Variants in RBM5 observed in about 807,000 individuals in gnomAD.
RBM5 encodes RNA-binding protein 5.
RBM5 carries 15 observed loss-of-function variants against 124.6 expected under a neutral mutation model. The observed-to-expected ratio is 0.12, with a 90% CI of 0.08 to 0.19. RBM5 has a LOEUF of 0.19. Ranked by LOEUF, RBM5 falls within the 10% of genes least tolerant of loss-of-function variation. The pLI is 1.00. For synonymous variants in RBM5, 337 were observed against 361.2 expected (o/e 0.93, Z 0.76); for missense variants, 580 against 1,026.5 (o/e 0.57, Z 5.94).
intron 15 of RBM5, 131 bp from the exon 16 acceptor site, chr3:50,110,248 T>C: frequency 1.3e-6 from 1 of 743,908 alleles, no homozygotes; most frequent in Non-Finnish European, 2.2e-6. Context: ...TGTGTTTTGC[T>C]GAGGGATTGC....
intron 24 of RBM5, 111 bp from the exon 25 acceptor site, chr3:50,118,220 T>G: frequency 7.0e-7 from 1 of 1,421,558 alleles, no homozygotes; most frequent in South Asian, 1.3e-5. Flanking sequence ...ATATACAGTT[T>G]TCTCTCTTCT....
At chr3:50,110,889 C>A (rs1378665546) in intron 17 of RBM5, 119 bp downstream of exon 17, 2 of 753,910 alleles carry the variant, frequency 2.7e-6, no homozygotes, top group East Asian at 2.9e-5. Context: ...GTTTTAACTT[C>A]TTCAAAGCCA....
rs773510198 is a variant in RBM5, at chr3:50,113,520, A to G, written c.1593A>G (p.Lys531=). 1.9e-6 allele frequency: 3 copies of G among 1,613,880 alleles called. No homozygotes were observed. Among genetic ancestry groups the G allele is most frequent in the East Asian group, 2.2e-5 (1 of 44,888 alleles). Residue 531 remains lysine (K), a synonymous_variant, in exon 18 of 25, where the codon AAA becomes AAG. Transcript: ENST00000347869. ...AAGAGGGGAAAGAGAAGAAGGAGAA[A>G]CCCAAGAGCAAAACAGCCCAGCAGG... ...PAKEGKEKKE[K]PKSKTAQQIA...
At chr3:50,115,823 G>A in intron 21 of RBM5, 83 bp from the exon 22 acceptor site, 1 of 1,351,884 alleles carries the variant, frequency 7.4e-7, no homozygotes, top group Non-Finnish European at 1.1e-6. Context: ...GGCTCTTAAA[G>A]TACAGTAGAT....
In RBM5 at chr3:50,113,400, G is replaced by T; in HGVS notation, c.1473G>T (p.Leu491Phe). 6.2e-7 allele frequency: 1 copy of T among 1,612,776 alleles called. No homozygotes were observed. The highest frequency in any genetic ancestry group is 1.1e-5 in the South Asian group (1 of 90,852). The change falls in exon 18 of 25, where the codon TTG becomes TTT. Residue 491 changes from leucine (L) to phenylalanine (F), a missense_variant. Physicochemically the swap from Leu to Phe is conservative, Grantham distance 22. This residue lies in a region of RBM5 where 234 missense variants were observed against 435.1 expected (regional missense o/e 0.54). Coordinates refer to ENST00000347869, the MANE Select transcript of RBM5 (RefSeq NM_005778.4). ...TTTTCTAGTACTACTATAATTCCTT[G>T]ACCCAGCAGTACCTTTACTGGGATG... ...DPNSQYYYNSLTQQYLYWDGE... is the reference protein window; with the variant it reads ...DPNSQYYYNSFTQQYLYWDGE...
At chr3:50,112,463 G>A (rs2091164782) in intron 17 of RBM5, among the ~76,000 whole-genome samples, 3 of 138,552 alleles carry the variant, frequency 2.2e-5, no homozygotes, top group South Asian at 4.7e-4. Flanking sequence ...TGTTAGCCAC[G>A]CCACCTTACC....
intron 6 of RBM5, chr3:50,102,578 C>A (rs1415419506): frequency 6.5e-6 from 1 of 152,932 alleles, no homozygotes; most frequent in Non-Finnish European, 1.5e-5. Flanking sequence ...CTCCCTTTCC[C>A]CCCAAAGGAC....
chr3:50,114,487 C>T lies in RBM5; in HGVS notation c.1839+236C>T, dbSNP rs146949946. On this transcript the variant is annotated intron_variant, in intron 20 of 24. Transcript: ENST00000347869. ...TTCCTAAGCTCAGTTAATTAAGTTT[C>T]ATTGCATCTGTGAGTGGAGAGTTTT... 4 of 492,498 alleles carry T rather than the reference C, an allele frequency of 8.1e-6. No individual in the cohort carries two copies. In the Admixed American group the frequency reaches 1.2e-4, roughly 15 times the overall value. The allele number at this position is 492,498 out of a possible 1,614,324, so 30.5% of individuals were successfully genotyped here.
At chr3:50,104,137 CT>C in intron 7 of RBM5, 110 bp from the exon 8 acceptor site, 2 of 849,868 alleles carry the variant, frequency 2.4e-6, no homozygotes, top group South Asian at 3.0e-5. Context: ...CTACGTGAGA[CT>C]TTCTGCTTTT....
At chr3:50,105,459 G>A (rs1347339083) in intron 9 of RBM5, 90 bp from the exon 10 acceptor site, 12 of 1,315,646 alleles carry the variant, frequency 9.1e-6, no homozygotes, top group African/African-American at 4.4e-5. Context: ...GTCACAAATG[G>A]ATTTGTATGT....
At chr3:50,106,367 C>A (rs1178331661) in intron 10 of RBM5, among the ~76,000 whole-genome samples, 3 of 152,028 alleles carry the variant, frequency 2.0e-5, no homozygotes, top group Admixed American at 1.3e-4. Context: ...GTCTTGATCA[C>A]CACCTCTGCC....
chr3:50,113,274 G>A (rs934208242), intron 17 of RBM5, 109 bp from the exon 18 acceptor site: 2 of 1,190,818 alleles, frequency 1.7e-6, no homozygotes, highest in Non-Finnish European at 2.3e-6. Context: ...TTTCTGGGCA[G>A]GAAATATCAC....
chr3:50,103,227 T>C, intron 7 of RBM5, 61 bp downstream of exon 7: 1 of 1,300,210 alleles, frequency 7.7e-7, no homozygotes. Context: ...TTTTTTTCTG[T>C]TTGTTTATTT....
chr3:50,112,856 A>G (rs934598419), intron 17 of RBM5: 2 of 152,054 alleles, frequency 1.3e-5, no homozygotes, highest in African/African-American at 4.8e-5. Flanking sequence ...TTAAATTTTT[A>G]TTATCATTTT....
chr3:50,106,037 C>G (rs566293420), intron 10 of RBM5, among the ~76,000 whole-genome samples: 1 of 150,428 alleles, frequency 6.6e-6, no homozygotes, highest in South Asian at 2.1e-4. Flanking sequence ...ACTGCAACCT[C>G]TGCCTCCAGG....
intron 4 of RBM5, among the ~76,000 whole-genome samples, chr3:50,096,662 T>C (rs928585546): frequency 3.3e-5 from 2 of 60,108 alleles, no homozygotes; most frequent in Non-Finnish European, 6.3e-5. Flanking sequence ...TGATTGTGGC[T>C]CACAGCAGCC....
intron 15 of RBM5, among the ~76,000 whole-genome samples, chr3:50,110,028 C>T (rs981296850): frequency 4.6e-5 from 7 of 151,846 alleles, no homozygotes; most frequent in South Asian, 4.2e-4. Context: ...CTGGCTAACA[C>T]GGTGAAACCC....
rs17050921 is a variant in RBM5 at position 50,108,190 on chromosome 3, T to C, written c.1120-42T>C. On this transcript the variant is annotated intron_variant, in intron 13 of 24. Transcript: ENST00000347869. ...GCATCCACCTTATAGTCTTGCAGAG[T>C]GTGTCTGAGAATAGCAGCTTTAATG... 6,168 of 1,602,004 alleles carry C rather than the reference T, an allele frequency of 3.9e-3. 240 individuals carry two copies. In the African/African-American group the frequency reaches 0.074, roughly 19 times the overall value.
chr3:50,092,123 G>C lies in RBM5; in HGVS notation c.98G>C (p.Arg33Thr). ...CGTGATGAGCGTGAATCCCGAAGCA[G>C]GCGGAGGGACTCAGATTACAAAAGA... ...DDRDERESRSRRRDSDYKRSS... is the reference protein window; with the variant it reads ...DDRDERESRSTRRDSDYKRSS... Residue 33 changes from arginine (R) to threonine (T), a missense_variant, in exon 3 of 25, where the codon AGG becomes ACG. Physicochemically the swap from Arg to Thr is moderately conservative, Grantham distance 71. Transcript: ENST00000347869. 6.2e-7 allele frequency: 1 copy of C among 1,614,040 alleles called. No homozygotes were observed. The highest frequency in any genetic ancestry group is 8.5e-7 in the Non-Finnish European group (1 of 1,179,956).
Sources: allele counts gnomAD v4.1 joint callset (sites outside exome capture counted in the v4.1 genomes callset), GRCh38; gene constraint gnomAD v4.1.1; regional missense constraint gnomAD v4.1.1; transcripts MANE v1.5; gene names NCBI Gene and HGNC (gene_info 2026-07-23, HGNC 2026-07-21).